The following FANCI variants were observed in gnomAD, a reference collection of about 807,000 sequenced individuals.
FANCI encodes the protein FA complementation group I, also known as Fanconi anemia group I protein.
In FANCI, 156 loss-of-function variants were observed where a neutral mutation model predicts 176.1. The observed-to-expected ratio is 0.89, with a 90% confidence interval of 0.78 to 1.01. The LOEUF (loss-of-function observed/expected upper bound fraction) is 1.01, where lower values mean the gene tolerates loss of function less well. FANCI is among the 50% of genes least tolerant of loss of function. The pLI, the probability that FANCI is intolerant of heterozygous loss-of-function variation, is 0.00. For missense variants in FANCI, 1,678 were observed against 1,534.1 expected (o/e 1.09, Z -1.57); for synonymous variants, 613 against 541.7 (o/e 1.13, Z -1.83).
intron 2 of FANCI, among the ~76,000 whole-genome samples, chr15:89,251,793 G>A (rs6496569): frequency 0.56 from 85,210 of 152,000 alleles, 25,610 homozygotes; most frequent in African/African-American, 0.79. Context: ...CCTAATAAAA[G>A]CTTGAGAAAA....
chr15:89,306,039 C>G lies in FANCI; in HGVS notation c.3382C>G (p.Gln1128Glu), dbSNP rs2054705069. 2 of 1,614,194 alleles carry G rather than the reference C, an allele frequency of 1.2e-6. No individual in the cohort carries two copies. Among genetic ancestry groups the G allele is most frequent in the Admixed American group, 1.7e-5 (1 of 60,032 alleles). ...CTCTTCTCAGGCAACCCTACCAAAT[C>G]AGCCTGTTGAGAAAGCTATCATCAT... ...EASSQATLPN[Q>E]PVEKAIIMQL... Residue 1128 changes from glutamine (Q) to glutamate (E), a missense_variant, in exon 32 of 38, where the codon CAG (glutamine) becomes GAG (glutamate). Transcript: ENST00000310775.
In FANCI at chr15:89,251,294, A is replaced by G. The variant is rs534721576; in HGVS notation, c.84+3563A>G. On this transcript the variant is annotated intron_variant, in intron 2 of 37. Coordinates refer to ENST00000310775, the MANE Select transcript of FANCI (RefSeq NM_001113378.2). ...AAAGCTTAAGCAGACCAGTTTCCAT[A>G]GAAGAAAAGAGAAAGTTATGAAGGA... Among the ~76,000 whole-genome samples, 9 of 152,334 alleles carry G rather than the reference A, an allele frequency of 5.9e-5. No individual in the cohort carries two copies. The South Asian group carries it at 1.9e-3, about 32-fold the overall frequency.
At chr15:89,265,821 C>T (rs767250567) in intron 9 of FANCI, among the ~76,000 whole-genome samples, 3 of 151,998 alleles carry the variant, frequency 2.0e-5, no homozygotes, top group Non-Finnish European at 4.4e-5. Flanking sequence ...CGTGCCTGGC[C>T]GGATTTTTTG....
chr15:89,305,552 A>C, intron 30 of FANCI, 53 bp from the exon 31 acceptor site: 1 of 1,605,734 alleles, frequency 6.2e-7, no homozygotes, highest in Non-Finnish European at 8.5e-7. Context: ...CAGTTATTAT[A>C]TTACCCCCAC....
Position 89,284,248 on chromosome 15 carries a change from T to C in FANCI, c.1699-848T>C, listed in dbSNP as rs192533889. Among the ~76,000 whole-genome samples, 782 of 152,312 alleles carry C rather than the reference T, an allele frequency of 5.1e-3. 9 individuals are homozygous for C. The highest frequency in any genetic ancestry group is 0.018 in the African/African-American group (738 of 41,576). ...ACCTTGTAATCTGGGAAAACAAAAC[T>C]TTTTATAATAATCTGGTAATCTAGG... On this transcript the variant is annotated intron_variant, in intron 17 of 37. Transcript: ENST00000310775.
chr15:89,317,105 CTATAGAA>C lies in FANCI; in HGVS notation c.*649_*655del. 1.7e-6 allele frequency: 1 copy of C among 592,212 alleles called. No homozygotes were observed. The highest frequency in any genetic ancestry group is 3.0e-6 in the Non-Finnish European group (1 of 334,622). The allele number at this position is 592,212 out of a possible 1,614,324, so 36.7% of individuals were successfully genotyped here. A position where few individuals can be genotyped will look rare whatever the true frequency, so the allele number is the denominator to read the frequency against. The stretch of plus-strand genomic sequence containing the variant: ...CACCTATAGAGTGCAAGAATGCACT[CTATAGAA>C]TAAATTATCTTTAAACATTTCTTCT... On this transcript the variant is annotated 3_prime_UTR_variant, in exon 38 of 38. Transcript: ENST00000310775.
intron 17 of FANCI, among the ~76,000 whole-genome samples, chr15:89,283,470 G>A (rs1435106420): frequency 1.3e-5 from 2 of 152,156 alleles, no homozygotes; most frequent in African/African-American, 2.4e-5. Context: ...ATCCAGTATG[G>A]TAGCCACTGT....
In FANCI at chr15:89,306,060, A is replaced by G. The variant is rs2054705923; in HGVS notation, c.3403A>G (p.Ile1135Val). The G allele has an allele frequency of 6.2e-7, 1 of 1,614,084 alleles. No homozygotes were observed. Among genetic ancestry groups the G allele is most frequent in the Non-Finnish European group, 8.5e-7 (1 of 1,180,038 alleles). The change falls in exon 32 of 38, where the codon ATC becomes GTC. Residue 1135 changes from isoleucine to valine, a missense_variant. Transcript: ENST00000310775. Reference protein sequence around the residue: ...LPNQPVEKAIIMQLGTLLTFF... With the variant: ...LPNQPVEKAIVMQLGTLLTFF... ...AAATCAGCCTGTTGAGAAAGCTATC[A>G]TCATGCAACTGGGAACTCTGCTTAC... is the stretch of plus-strand genomic sequence containing the variant.
At chr15:89,300,430 C>T in intron 26 of FANCI, 45 bp downstream of exon 26, 2 of 1,551,414 alleles carry the variant, frequency 1.3e-6, no homozygotes, top group African/African-American at 1.4e-5. Flanking sequence ...AGAGGCTTTG[C>T]AAAGGAACTG....
chr15:89,254,168 G>C (rs1201505223), intron 2 of FANCI, among the ~76,000 whole-genome samples: 1 of 152,006 alleles, frequency 6.6e-6, no homozygotes, highest in Non-Finnish European at 1.5e-5. Flanking sequence ...GACCAGTTTG[G>C]GCAACGTGGT....
intron 17 of FANCI, among the ~76,000 whole-genome samples, chr15:89,283,724 A>C (rs1459996077): frequency 6.6e-6 from 1 of 150,966 alleles, no homozygotes; most frequent in African/African-American, 2.4e-5. Flanking sequence ...AATTACATAC[A>C]TGGCTTGCAT....
intron 15 of FANCI, 101 bp from the exon 16 acceptor site, chr15:89,281,664 T>C (rs1474853228): frequency 1.9e-6 from 2 of 1,078,602 alleles, no homozygotes; most frequent in African/African-American, 1.5e-5. Flanking sequence ...AAAACAGAAG[T>C]AAGCTTCCTT....
At chr15:89,270,152 A>T (rs1804369436) in intron 10 of FANCI, among the ~76,000 whole-genome samples, 1 of 152,118 alleles carries the variant, frequency 6.6e-6, no homozygotes, top group South Asian at 2.1e-4. Context: ...AAAACCATAA[A>T]AACCAGTGTT....
intron 1 of FANCI, chr15:89,245,245 T>G (rs185468693): frequency 6.7e-6 from 1 of 149,210 alleles, no homozygotes; most frequent in East Asian, 2.0e-4. Flanking sequence ...CTCGGCTCAC[T>G]GCAACCTCCG....
chr15:89,258,006 T>C (rs1191187858), intron 2 of FANCI, among the ~76,000 whole-genome samples: 1 of 152,202 alleles, frequency 6.6e-6, no homozygotes, highest in East Asian at 1.9e-4. Flanking sequence ...ATCTGGTCCT[T>C]TCCCGTTTCT....
In FANCI at chr15:89,301,588, C is replaced by T. The variant is rs950972196; in HGVS notation, c.3006+146C>T. 4.1e-6 allele frequency: 3 copies of T among 739,566 alleles called. No individual in the cohort carries two copies. In the African/African-American group the frequency reaches 5.1e-5, roughly 13 times the overall value. 45.8% of individuals were successfully genotyped at this position (739,566 alleles called of 1,614,324 possible). Reference sequence around the variant, plus strand: ...ATTATACACCTGAGTTAATATAAGACCTATAAGATGTATTCTTTCCTGTGT... The same window carrying T: ...ATTATACACCTGAGTTAATATAAGATCTATAAGATGTATTCTTTCCTGTGT... On this transcript the variant is annotated intron_variant, in intron 27 of 37. Transcript: ENST00000310775.
chr15:89,289,115 G>T (rs568658253), intron 18 of FANCI, among the ~76,000 whole-genome samples: 1 of 151,426 alleles, frequency 6.6e-6, no homozygotes, highest in Non-Finnish European at 1.5e-5. Flanking sequence ...CTAACCATTT[G>T]TTCAGACATC....
chr15:89,245,818 G>A (rs760230225), intron 1 of FANCI: 1 of 152,212 alleles, frequency 6.6e-6, no homozygotes, highest in East Asian at 1.9e-4. Context: ...TGGCATGGAG[G>A]GAAGATAAGT....
In FANCI at chr15:89,244,896, C is replaced by T. The variant is rs540926520; in HGVS notation, c.-20+863C>T. 5.9e-5 allele frequency among the ~76,000 whole-genome samples: 9 copies of T among 152,302 alleles called. 1 individual carries two copies. In the South Asian group the frequency reaches 1.9e-3, roughly 32 times the overall value. On this transcript the variant is annotated intron_variant, in intron 1 of 37. Transcript: ENST00000310775. ...TAAAGTGCTGGGTTCAGTGTTTTCCCTATTATAGGGGTTCAATAATTTGTT... is the reference window on the plus strand; with the variant it reads ...TAAAGTGCTGGGTTCAGTGTTTTCCTTATTATAGGGGTTCAATAATTTGTT...
Sources: allele counts gnomAD v4.1 joint callset (sites outside exome capture counted in the v4.1 genomes callset), GRCh38; gene constraint gnomAD v4.1.1; transcripts MANE v1.5; gene names NCBI Gene and HGNC (gene_info 2026-07-23, HGNC 2026-07-21).